SHD: variants seen among roughly 807,000 people sequenced by gnomAD.
The protein encoded by SHD is SH2 domain-containing adapter protein D.
A neutral mutation model predicts 31.2 loss-of-function variants in SHD; 29 were observed. That is an observed-to-expected ratio of 0.93 (90% CI 0.69 to 1.27). The LOEUF (loss-of-function observed/expected upper bound fraction) is 1.27. Among genes scored for constraint, SHD ranks in the 50% most tolerant of loss-of-function variants. The pLI, the probability that SHD is intolerant of heterozygous loss-of-function variation, is 0.00. For synonymous variants in SHD, 208 were observed against 187.8 expected, an observed-to-expected ratio of 1.11 and a Z score of -0.88; for missense variants, 520 against 453.8, an observed-to-expected ratio of 1.15 and a Z score of -1.33.
chr19:4,290,219 G>A (rs1360231226), intron 5 of SHD, among the ~76,000 whole-genome samples: 1 of 152,140 alleles, frequency 6.6e-6, no homozygotes, highest in Non-Finnish European at 1.5e-5. Context: ...TCACTCTGTT[G>A]GCCAGGCTGG....
At chr19:4,282,289 C>T (rs1159897241) in intron 1 of SHD, among the ~76,000 whole-genome samples, 2 of 151,760 alleles carry the variant, frequency 1.3e-5, no homozygotes, top group South Asian at 4.2e-4. Context: ...GTTTGGTGGC[C>T]GGCACCAGTA....
rs1416974486 is a variant in SHD, at chr19:4,280,045, T to G, written c.-19T>G. 6.3e-7 allele frequency: 1 copy of G among 1,578,106 alleles called. No homozygotes were observed. Among genetic ancestry groups the G allele is most frequent in the Non-Finnish European group, 8.6e-7 (1 of 1,163,710 alleles). Reference sequence around the variant, plus strand: ...GGGGCCCCTCTGACAGTGGCCCGATTGGGGTGACAGGCGCCCAAATGGCCA... The same window carrying G: ...GGGGCCCCTCTGACAGTGGCCCGATGGGGGTGACAGGCGCCCAAATGGCCA... On this transcript the variant is annotated 5_prime_UTR_variant, in exon 1 of 6. In the 5' UTR this introduces an upstream ATG that the reference lacks. Coordinates refer to ENST00000543264, the MANE Select transcript of SHD (RefSeq NM_020209.4).
At position 4,290,665 on chromosome 19, in the gene SHD, G is replaced by T; in HGVS notation, c.*32G>T. On this transcript the variant is annotated 3_prime_UTR_variant, in exon 6 of 6. Transcript: ENST00000543264. Reference sequence around the variant, plus strand: ...CCCTCGGCCCCCTTTTGAGTCCTCGGGCCCAGAATCGTATCCCAAAGCCCT... The same window carrying T: ...CCCTCGGCCCCCTTTTGAGTCCTCGTGCCCAGAATCGTATCCCAAAGCCCT... The T allele has an allele frequency of 6.5e-7, 1 of 1,549,574 alleles. No individual in the cohort carries two copies. Among genetic ancestry groups the T allele is most frequent in the Non-Finnish European group, 8.7e-7 (1 of 1,146,352 alleles).
chr19:4,284,854 C>T lies in SHD; in HGVS notation c.666C>T (p.Ser222=), dbSNP rs1971292702. 1 of 1,612,464 alleles carries T rather than the reference C, an allele frequency of 6.2e-7. No individual in the cohort carries two copies. The highest frequency in any genetic ancestry group is 8.5e-7 in the Non-Finnish European group (1 of 1,179,468). ...AKELRRPPPR[S]PQPAERVDPA... ...AGCTCCGGAGACCTCCGCCCAGAAG[C>T]CCCCAGCCTGCGGAGCGTGTGGACC... The change falls in exon 4 of 6, where the codon AGC becomes AGT. Residue 222 remains serine (S), a synonymous_variant. Transcript: ENST00000543264.
intron 4 of SHD, among the ~76,000 whole-genome samples, chr19:4,285,532 T>A (rs1458640157): frequency 6.6e-6 from 1 of 151,944 alleles, no homozygotes; most frequent in Non-Finnish European, 1.5e-5. Flanking sequence ...GTGTGAAGAT[T>A]GTTCTCTTTT....
intron 5 of SHD, among the ~76,000 whole-genome samples, 179 bp downstream of exon 5, chr19:4,288,541 C>T (rs979965141): frequency 6.6e-6 from 1 of 152,010 alleles, no homozygotes; most frequent in African/African-American, 2.4e-5. Context: ...TAGCTGGTTG[C>T]AATTGAGAAT....
At chr19:4,289,386 C>T (rs1971353119) in intron 5 of SHD, among the ~76,000 whole-genome samples, 1 of 151,044 alleles carries the variant, frequency 6.6e-6, no homozygotes, top group Admixed American at 6.6e-5. Context: ...GCTGGGATTA[C>T]AGGTGTGAGC....
intron 1 of SHD, 40 bp downstream of exon 1, chr19:4,280,400 AGGCTCAGGATG>A (rs1971246210): frequency 1.3e-6 from 2 of 1,521,520 alleles, no homozygotes; most frequent in South Asian, 2.5e-5. Context: ...GGTGGAGGGG[AGGCTCAGGATG>A]GGCTCTCTGG....
At chr19:4,288,447 G>GCCCC in intron 5 of SHD, 85 bp downstream of exon 5, 1 of 1,450,120 alleles carries the variant, frequency 6.9e-7, no homozygotes, top group Non-Finnish European at 9.2e-7. Context: ...AGGGGAGGGT[G>GCCCC]TGGCTCCCGC....
chr19:4,280,277 G>A lies in SHD; in HGVS notation c.214G>A (p.Gly72Ser), dbSNP rs1971244012. 6 of 1,612,936 alleles carry A rather than the reference G, an allele frequency of 3.7e-6. No homozygotes were observed. Among genetic ancestry groups the A allele is most frequent in the Non-Finnish European group, 4.2e-6 (5 of 1,179,668 alleles). Residue 72 changes from glycine (G) to serine (S), a missense_variant, in exon 1 of 6, where the codon GGT (glycine) becomes AGT (serine). Transcript: ENST00000543264. ...DSKNPGDAKY[G>S]SPKHRLIKVE... ...CAAGAACCCCGGAGATGCCAAGTAT[G>A]GTTCTCCCAAGCACCGGCTCATCAA...
At chr19:4,285,033 TTTC>T in intron 4 of SHD, 129 bp downstream of exon 4, 1 of 1,163,136 alleles carries the variant, frequency 8.6e-7, no homozygotes, top group Non-Finnish European at 1.1e-6. Flanking sequence ...CATCCACTTA[TTTC>T]TTCAGCTAAT....
rs938059582 is a variant in SHD at position 4,282,929 on chromosome 19, G to A, written c.357G>A (p.Pro119=). 30 of 1,613,828 alleles carry A rather than the reference G, an allele frequency of 1.9e-5. No homozygotes were observed. The highest frequency in any genetic ancestry group is 3.3e-4 in the Middle Eastern group (2 of 6,082). ...PFDAQPHPAP[P]DDGYMEPYDA... ...ATGCTCAGCCTCATCCTGCACCCCCGGATGATGGGTACATGGAGCCCTACG... is the reference window on the plus strand; with the variant it reads ...ATGCTCAGCCTCATCCTGCACCCCCAGATGATGGGTACATGGAGCCCTACG... Residue 119 remains proline (P), a synonymous_variant, in exon 2 of 6, where the codon CCG becomes CCA. Transcript: ENST00000543264.
chr19:4,286,301 T>G (rs1300125392), intron 4 of SHD, among the ~76,000 whole-genome samples: 4 of 140,492 alleles, frequency 2.8e-5, no homozygotes, highest in African/African-American at 5.6e-5. Flanking sequence ...CCTTCCTTCC[T>G]TCCTTCCTTC....
Position 4,280,195 on chromosome 19 carries a change from C to T in SHD, c.132C>T (p.Asp44=). The T allele has an allele frequency of 6.2e-7, 1 of 1,613,918 alleles. No individual in the cohort carries two copies. The highest frequency in any genetic ancestry group is 8.5e-7 in the Non-Finnish European group (1 of 1,179,992). Residue 44 remains aspartate (D), a synonymous_variant, in exon 1 of 6, where the codon GAC becomes GAT. Transcript: ENST00000543264. ...CGCAGAAGAACCTGGACTTCGAGGACCCCTATGAGGACGCGGAGAGCCGCT... is the reference window on the plus strand; with the variant it reads ...CGCAGAAGAACCTGGACTTCGAGGATCCCTATGAGGACGCGGAGAGCCGCT... ...YRAQKNLDFE[D]PYEDAESRLE...
rs1971270165 is a variant in SHD, at chr19:4,282,862, C to T, written c.298-8C>T. The stretch of plus-strand genomic sequence containing the variant: ...GTCCTTGTCTTCTCCCCTTCCTTCT[C>T]TCCGCAGCTGGAAGCCGACACTGAG... On this transcript the variant is annotated splice_region_variant and splice_polypyrimidine_tract_variant and intron_variant, in intron 1 of 5. Transcript: ENST00000543264. The T allele has an allele frequency of 6.2e-7, 1 of 1,613,472 alleles. No individual in the cohort carries two copies. Among genetic ancestry groups the T allele is most frequent in the African/African-American group, 1.3e-5 (1 of 74,906 alleles).
chr19:4,283,870 G>T (rs539462447), intron 3 of SHD, among the ~76,000 whole-genome samples: 1 of 151,604 alleles, frequency 6.6e-6, no homozygotes, highest in Non-Finnish European at 1.5e-5. Flanking sequence ...GAGCCACCGC[G>T]CCCCCGCCCG....
intron 5 of SHD, among the ~76,000 whole-genome samples, chr19:4,289,584 T>G (rs898534247): frequency 7.3e-5 from 11 of 150,618 alleles, no homozygotes; most frequent in Non-Finnish European, 1.3e-4. Flanking sequence ...ATTTATTTAT[T>G]TTTTGAGACA....
In SHD at chr19:4,280,304, G is replaced by C. The variant is rs1326796849; in HGVS notation, c.241G>C (p.Val81Leu). ...TTCTCCCAAGCACCGGCTCATCAAGGTGGAGGCTGCGGATATGGCCAGAGC... is the reference window on the plus strand; with the variant it reads ...TTCTCCCAAGCACCGGCTCATCAAGCTGGAGGCTGCGGATATGGCCAGAGC... The part of the protein sequence containing the change: ...YGSPKHRLIK[V>L]EAADMARAKA... The change falls in exon 1 of 6, where the codon GTG becomes CTG. Residue 81 changes from valine (V) to leucine (L), a missense_variant. Val to Leu is a conservative substitution (Grantham distance 32). Coordinates refer to ENST00000543264, the MANE Select transcript of SHD (RefSeq NM_020209.4). 1.2e-6 allele frequency: 2 copies of C among 1,607,868 alleles called. No individual in the cohort carries two copies. The highest frequency in any genetic ancestry group is 1.7e-6 in the Non-Finnish European group (2 of 1,177,376).
At chr19:4,286,219 TTTC>T (rs1971309479) in intron 4 of SHD, among the ~76,000 whole-genome samples, 1 of 100,518 alleles carries the variant, frequency 9.9e-6, no homozygotes, top group African/African-American at 5.7e-5. Flanking sequence ...TCTTTCTTTC[TTTC>T]TTTCTTTCTT....
Sources: allele counts gnomAD v4.1 joint callset (sites outside exome capture counted in the v4.1 genomes callset), GRCh38; gene constraint gnomAD v4.1.1; transcripts MANE v1.5; gene names NCBI Gene and HGNC (gene_info 2026-07-23, HGNC 2026-07-21).